Variants in MCTP2 observed in about 807,000 individuals in gnomAD.
MCTP2 encodes the protein multiple C2 and transmembrane domain-containing protein 2.
A neutral mutation model predicts 111.6 loss-of-function variants in MCTP2; 132 were observed. The observed-to-expected ratio is 1.18, with a 90% CI of 1.03 to 1.37. MCTP2 has a LOEUF of 1.37. Ranked by LOEUF, MCTP2 falls within the 40% of genes most tolerant of loss-of-function variation. The pLI, the probability that MCTP2 is intolerant of heterozygous loss-of-function variation, is 0.00. For missense variants in MCTP2, 1,183 were observed against 1,067.9 expected, an observed-to-expected ratio of 1.11 and a Z score of -1.50; for synonymous variants, 395 against 387.7, an observed-to-expected ratio of 1.02 and a Z score of -0.22.
chr15:94,250,896 G>A (rs1187587065), intron 1 of MCTP2, among the ~76,000 whole-genome samples: 2 of 152,154 alleles, frequency 1.3e-5, no homozygotes, highest in Non-Finnish European at 2.9e-5. Context: ...AGAGTGAGAG[G>A]CAGCAGAAAA....
chr15:94,277,540 C>T (rs1259135434), intron 1 of MCTP2, among the ~76,000 whole-genome samples: 1 of 152,104 alleles, frequency 6.6e-6, no homozygotes, highest in Non-Finnish European at 1.5e-5. Context: ...ACCTTAAATA[C>T]ATATTCATGA....
intron 1 of MCTP2, among the ~76,000 whole-genome samples, chr15:94,280,460 T>C (rs1161968135): frequency 6.6e-6 from 1 of 151,714 alleles, no homozygotes; most frequent in Non-Finnish European, 1.5e-5. Context: ...TAACGTCTGC[T>C]TTGTTGTTTC....
intron 2 of MCTP2, among the ~76,000 whole-genome samples, chr15:94,308,896 C>A (rs563644742): frequency 2.0e-5 from 3 of 152,300 alleles, no homozygotes; most frequent in Non-Finnish European, 4.4e-5. Context: ...AATTTACTGA[C>A]TGTTTTATAC....
chr15:94,431,843 A>C (rs985021772), intron 17 of MCTP2, among the ~76,000 whole-genome samples: 6 of 152,188 alleles, frequency 3.9e-5, no homozygotes, highest in Non-Finnish European at 7.4e-5. Context: ...TGATTATTTA[A>C]AGATACACTG....
chr15:94,266,147 C>T (rs1029036225), intron 1 of MCTP2, among the ~76,000 whole-genome samples: 2 of 152,060 alleles, frequency 1.3e-5, no homozygotes, highest in African/African-American at 4.8e-5. Flanking sequence ...GAGTGTGTGG[C>T]CTGGGGTCTG....
At chr15:94,399,724 A>G in intron 15 of MCTP2, 197 bp from the exon 16 acceptor site, 1 of 565,024 alleles carries the variant, frequency 1.8e-6, no homozygotes, top group Non-Finnish European at 3.2e-6. Flanking sequence ...ACTCAATCTG[A>G]CCCATGCCAG....
chr15:94,355,039 A>G (rs536537137), intron 8 of MCTP2, among the ~76,000 whole-genome samples: 49 of 152,330 alleles, frequency 3.2e-4, no homozygotes, highest in African/African-American at 1.2e-3. Flanking sequence ...TGAACGGACA[A>G]CGTAAATGAA....
At chr15:94,402,450 G>C (rs1442794147) in intron 17 of MCTP2, 2 of 1,550,290 alleles carry the variant, frequency 1.3e-6, no homozygotes, top group Non-Finnish European at 1.7e-6. Flanking sequence ...AGCCAGTTGG[G>C]ACATACTGAT....
chr15:94,372,041 C>T (rs1448152728), intron 12 of MCTP2, among the ~76,000 whole-genome samples: 1 of 152,184 alleles, frequency 6.6e-6, no homozygotes, highest in African/African-American at 2.4e-5. Flanking sequence ...TAAAGACCCT[C>T]TCTATGGAAG....
At chr15:94,437,876 G>T (rs1192072443) in intron 17 of MCTP2, among the ~76,000 whole-genome samples, 1 of 151,892 alleles carries the variant, frequency 6.6e-6, no homozygotes, top group Non-Finnish European at 1.5e-5. Context: ...GAGAAAAATG[G>T]GGATCATTAC....
In MCTP2 at chr15:94,398,977, C is replaced by T. The variant is rs138009671; in HGVS notation, c.1805C>T (p.Pro602Leu). 3.5e-5 allele frequency: 54 copies of T among 1,553,462 alleles called. No individual in the cohort carries two copies. The highest frequency in any genetic ancestry group is 1.7e-4 in the Middle Eastern group (1 of 5,910). The change falls in exon 15 of 23, where the codon CCG becomes CTG. Residue 602 changes from proline (P) to leucine (L), a missense_variant. By Grantham distance (98) the Pro-to-Leu change is moderately conservative (BLOSUM62 -3). Coordinates refer to ENST00000357742, the MANE Select transcript of MCTP2 (RefSeq NM_001385001.1). ...IPLLSIRDGQ[P>L]NCYVLKNKDL... ...TTGTGACAGATTAGAGATGGACAAC[C>T]GAATTGTTATGTACTAAAGAATAAA...
At chr15:94,400,604 T>C (rs1272028106) in intron 16 of MCTP2, among the ~76,000 whole-genome samples, 3 of 150,560 alleles carry the variant, frequency 2.0e-5, no homozygotes, top group Non-Finnish European at 4.4e-5. Context: ...AGTTTCACTT[T>C]TTTTTTTTTT....
intron 14 of MCTP2, among the ~76,000 whole-genome samples, chr15:94,398,516 T>C (rs772354039): frequency 1.3e-5 from 2 of 152,194 alleles, no homozygotes; most frequent in Non-Finnish European, 2.9e-5. Context: ...CACCAATATC[T>C]TTTTTCTGTT....
At chr15:94,350,356 G>A (rs182423689) in intron 8 of MCTP2, among the ~76,000 whole-genome samples, 6 of 152,216 alleles carry the variant, frequency 3.9e-5, no homozygotes, top group Non-Finnish European at 8.8e-5. Flanking sequence ...GGGAGGCCGA[G>A]TCAGGTGGAT....
At chr15:94,444,920 C>A (rs1428908935) in intron 19 of MCTP2, among the ~76,000 whole-genome samples, 1 of 152,114 alleles carries the variant, frequency 6.6e-6, no homozygotes, top group Admixed American at 6.5e-5. Context: ...TTTGGCCCAT[C>A]TAGTAAAGGA....
At chr15:94,331,419 T>C (rs10152899) in intron 4 of MCTP2, among the ~76,000 whole-genome samples, 39,821 of 150,278 alleles carry the variant, frequency 0.26, 5,558 homozygotes, top group African/African-American at 0.35. Context: ...GGGAAGAGGT[T>C]GGGGAGGGAC....
At chr15:94,384,418 T>C (rs2080337325) in intron 13 of MCTP2, among the ~76,000 whole-genome samples, 1 of 152,154 alleles carries the variant, frequency 6.6e-6, no homozygotes, top group Non-Finnish European at 1.5e-5. Flanking sequence ...ATTCGTGGGT[T>C]AAGGAAATGG....
intron 14 of MCTP2, among the ~76,000 whole-genome samples, chr15:94,390,098 A>ATATATATGTATATATATATATG (rs1567603090): frequency 2.9e-5 from 1 of 34,426 alleles, no homozygotes; most frequent in Non-Finnish European, 5.9e-5. Flanking sequence ...ATGTATATAT[A>ATATATATGTATATATATATATG]TATATATATA....
chr15:94,444,429 C>T (rs371457224), intron 19 of MCTP2, among the ~76,000 whole-genome samples: 1 of 152,194 alleles, frequency 6.6e-6, no homozygotes, highest in African/African-American at 2.4e-5. Context: ...CTCTTCCTTC[C>T]CTGCAGGTCA....
Sources: gnomAD v4.1 joint callset for allele counts (sites outside exome capture counted in the v4.1 genomes callset) on GRCh38, gnomAD v4.1.1 for gene constraint, MANE v1.5 for transcripts, NCBI Gene and HGNC (gene_info 2026-07-23, HGNC 2026-07-21) for gene names.